The following LMO1 variants were observed in gnomAD, a reference collection of about 807,000 sequenced individuals.
LMO1 encodes rhombotin-1.
A neutral mutation model predicts 18.0 loss-of-function variants in LMO1; 10 were observed. The ratio of observed to expected loss-of-function variants is 0.55; its 90% CI spans 0.34 to 0.94. The LOEUF is 0.94. Ranked by LOEUF, LMO1 falls within the 40% of genes least tolerant of loss-of-function variation. LMO1 has a pLI of 0.02. For missense variants in LMO1, 183 were observed against 205.7 expected (o/e 0.89, Z 0.68); for synonymous variants, 77 against 77.9 (o/e 0.99, Z 0.06).
intron 1 of LMO1, among the ~76,000 whole-genome samples, chr11:8,249,650 G>A (rs1442689124): frequency 1.3e-5 from 2 of 152,082 alleles, no homozygotes; most frequent in Non-Finnish European, 2.9e-5. Flanking sequence ...TCCTACCCAC[G>A]GCCTGCAAGG....
At chr11:8,255,169 C>T (rs68129655) in intron 1 of LMO1, among the ~76,000 whole-genome samples, 25,744 of 152,078 alleles carry the variant, frequency 0.17, 2,801 homozygotes, top group Non-Finnish European at 0.25. Flanking sequence ...GCAGCAGAAG[C>T]GACAAGATCC....
upstream of LMO1, among the ~76,000 whole-genome samples, chr11:8,264,040 C>T (rs1847235057): frequency 6.6e-6 from 1 of 151,828 alleles, no homozygotes; most frequent in Non-Finnish European, 1.5e-5. Context: ...ATCCCAGGGT[C>T]GTGGTCTTCA....
chr11:8,228,078 G>A (rs144174790), intron 2 of LMO1, among the ~76,000 whole-genome samples: 5 of 152,332 alleles, frequency 3.3e-5, no homozygotes, highest in Admixed American at 3.3e-4. Flanking sequence ...CTGTAAAATA[G>A]GGATGGATGA....
intron 1 of LMO1, among the ~76,000 whole-genome samples, chr11:8,235,107 G>C (rs977066063): frequency 3.9e-5 from 6 of 152,182 alleles, no homozygotes; most frequent in African/African-American, 1.4e-4. Flanking sequence ...CTGGTGCCCA[G>C]GGCACAGTGA....
intron 1 of LMO1, among the ~76,000 whole-genome samples, chr11:8,260,305 G>T (rs539743974): frequency 6.6e-6 from 1 of 152,194 alleles, no homozygotes; most frequent in Non-Finnish European, 1.5e-5. Context: ...CCAAGCCGCA[G>T]GTGCCAGGGG....
At position 8,230,233 on chromosome 11, in the gene LMO1, G is replaced by A. The variant is rs1952628616; in HGVS notation, c.239+58C>T. 2.7e-6 allele frequency: 4 copies of A among 1,508,756 alleles called. No individual in the cohort carries two copies. The Admixed American group carries it at 5.0e-5, about 19-fold the overall frequency. 93.5% of individuals were successfully genotyped at this position (1,508,756 alleles called of 1,614,324 possible). ...GGGGGCACAGTCACGCTGGGGCTGA[G>A]GATGGGGAGCTTTCTGAGCAGGACA... On this transcript the variant is annotated intron_variant, in intron 2 of 3. Coordinates refer to ENST00000335790, the MANE Select transcript of LMO1 (RefSeq NM_002315.3).
At chr11:8,229,216 G>C (rs1952606307) in intron 2 of LMO1, among the ~76,000 whole-genome samples, 1 of 152,144 alleles carries the variant, frequency 6.6e-6, no homozygotes, top group Admixed American at 6.6e-5. Flanking sequence ...CCCTGCTTCT[G>C]GTCTCAGCCT....
chr11:8,228,674 C>T (rs1331843458), intron 2 of LMO1, among the ~76,000 whole-genome samples: 1 of 151,144 alleles, frequency 6.6e-6, no homozygotes, highest in Admixed American at 6.6e-5. Context: ...AAAAAATTAC[C>T]TTCCATCCCT....
rs1222725391 is a variant in LMO1 at position 8,224,503 on chromosome 11, T to C, written c.*113A>G. On this transcript the variant is annotated 3_prime_UTR_variant, in exon 4 of 4. Coordinates refer to ENST00000335790, the MANE Select transcript of LMO1 (RefSeq NM_002315.3). ...CCCATCGAGGACGGAGAAGTTCTAA[T>C]GTGGCAGGAGAGCGGCTGGCCAGCC... The C allele has an allele frequency of 4.5e-6, 3 of 664,552 alleles. No individual in the cohort carries two copies. Among genetic ancestry groups the C allele is most frequent in the Non-Finnish European group, 8.1e-6 (3 of 372,668 alleles). The allele number at this position is 664,552 out of a possible 1,614,324, so 41.2% of individuals were successfully genotyped here.
intron 1 of LMO1, among the ~76,000 whole-genome samples, chr11:8,248,194 G>A (rs1163649762): frequency 6.6e-6 from 1 of 152,238 alleles, no homozygotes; most frequent in Non-Finnish European, 1.5e-5. Flanking sequence ...CAAGCGGTCA[G>A]GCCCTCATGC....
chr11:8,231,091 G>A (rs969269708), intron 1 of LMO1, among the ~76,000 whole-genome samples: 5 of 152,132 alleles, frequency 3.3e-5, no homozygotes, highest in Admixed American at 2.0e-4. Context: ...GCAGGTAAGC[G>A]GAGGCAGCTG....
At position 8,263,545 on chromosome 11, in the gene LMO1, T is replaced by C. The variant is rs1847226837; in HGVS notation, c.-183A>G. ...ATTCAGGAGTGAAGCACTTCGCAGA[T>C]ACAAAAGCAGTCTCACCTACTTTTG... is the stretch of plus-strand genomic sequence containing the variant. On this transcript the variant is annotated 5_prime_UTR_variant, in exon 1 of 4. Transcript: ENST00000335790. 2.2e-6 allele frequency: 3 copies of C among 1,363,200 alleles called. No individual in the cohort carries two copies. Among genetic ancestry groups the C allele is most frequent in the African/African-American group, 3.0e-5 (2 of 65,638 alleles). 84.4% of individuals were successfully genotyped at this position (1,363,200 alleles called of 1,614,324 possible).
chr11:8,229,009 T>C (rs908594633), intron 2 of LMO1, among the ~76,000 whole-genome samples: 1 of 151,672 alleles, frequency 6.6e-6, no homozygotes, highest in South Asian at 2.1e-4. Flanking sequence ...CACTTCAGCC[T>C]CCTGAGTAGT....
At chr11:8,258,326 A>T (rs1327308722) in intron 1 of LMO1, among the ~76,000 whole-genome samples, 2 of 151,882 alleles carry the variant, frequency 1.3e-5, no homozygotes. Context: ...GGAGCTCCTA[A>T]CTCCCTGGGC....
At chr11:8,250,821 C>A (rs1024488494) in intron 1 of LMO1, among the ~76,000 whole-genome samples, 1 of 152,340 alleles carries the variant, frequency 6.6e-6, no homozygotes, top group East Asian at 1.9e-4. Context: ...CTTCTCAGTG[C>A]CTTAGTTTCC....
intron 1 of LMO1, among the ~76,000 whole-genome samples, chr11:8,238,487 C>T (rs531795416): frequency 2.6e-5 from 4 of 152,074 alleles, no homozygotes; most frequent in Admixed American, 6.5e-5. Context: ...CTGGCTAACA[C>T]GGTGAAACCC....
intron 1 of LMO1, among the ~76,000 whole-genome samples, chr11:8,235,949 G>A (rs987527063): frequency 3.3e-5 from 5 of 152,196 alleles, no homozygotes; most frequent in African/African-American, 7.2e-5. Flanking sequence ...GAGGAGCAAC[G>A]AACTGATTTG....
chr11:8,248,289 A>G (rs11821500), intron 1 of LMO1, among the ~76,000 whole-genome samples: 10,367 of 152,302 alleles, frequency 0.068, 487 homozygotes, highest in African/African-American at 0.14. Flanking sequence ...CTCTCCTTGG[A>G]AGAGTGAGTC....
chr11:8,225,404 CAAAAAAAAAA>C (rs34847129), intron 3 of LMO1, among the ~76,000 whole-genome samples: 10 of 34,722 alleles, frequency 2.9e-4, no homozygotes, highest in African/African-American at 3.9e-4. Context: ...GACTCCATCT[CAAAAAAAAAA>C]AAAAAAAAAA....
Sources: gnomAD v4.1 joint callset for allele counts (sites outside exome capture counted in the v4.1 genomes callset) on GRCh38, gnomAD v4.1.1 for gene constraint, MANE v1.5 for transcripts, NCBI Gene and HGNC (gene_info 2026-07-23, HGNC 2026-07-21) for gene names.